Variants in SLC23A1 observed in about 807,000 individuals in gnomAD.
The protein encoded by SLC23A1 is Na(+)/L-ascorbic acid transporter 1.
SLC23A1 carries 31 observed loss-of-function variants against 62.5 expected under a neutral mutation model. The observed-to-expected ratio is 0.50, with a 90% confidence interval of 0.37 to 0.67. The LOEUF (loss-of-function observed/expected upper bound fraction) is 0.67, where lower values mean the gene tolerates loss of function less well. SLC23A1 is among the 30% of genes least tolerant of loss of function. The pLI is 0.00. For missense variants in SLC23A1, 640 were observed against 782.7 expected (o/e 0.82, Z 2.18); for synonymous variants, 271 against 313.2 (o/e 0.87, Z 1.42).
At chr5:139,370,325 C>T (rs533544534) in intron 14 of SLC23A1, among the ~76,000 whole-genome samples, 1 of 152,208 alleles carries the variant, frequency 6.6e-6, no homozygotes, top group African/African-American at 2.4e-5. Context: ...TGTGTGCCAC[C>T]ACACCTGGCT....
chr5:139,368,872 T>G (rs1393717022), intron 14 of SLC23A1: 1 of 1,112,650 alleles, frequency 9.0e-7, no homozygotes, highest in East Asian at 2.4e-5. Flanking sequence ...GACTTAATTG[T>G]AAAAGCTCTC....
Position 139,378,421 on chromosome 5 carries a change from G to T in SLC23A1, c.1180-70C>A. 1 of 1,520,476 alleles carries T rather than the reference G, an allele frequency of 6.6e-7. No individual in the cohort carries two copies. Among genetic ancestry groups the T allele is most frequent in the Non-Finnish European group, 8.9e-7 (1 of 1,125,838 alleles). 94.2% of individuals were successfully genotyped at this position (1,520,476 alleles called of 1,614,324 possible). A position where few individuals can be genotyped will look rare whatever the true frequency, so the allele number is the denominator to read the frequency against. ...GGGCGGGGTTAGTTCCAGGGGCGGG[G>T]CCTGTTATAAGAGCGAGGCATAAAC... On this transcript the variant is annotated intron_variant, in intron 10 of 14. Transcript: ENST00000348729. This position sits in a 1 kb window ranked among gnomAD's most constrained non-coding sequence, Gnocchi z 4.5.
At chr5:139,368,882 C>T (rs1171344867) in intron 14 of SLC23A1, 9 of 1,036,744 alleles carry the variant, frequency 8.7e-6, no homozygotes, top group African/African-American at 3.2e-5. Context: ...TAAAAGCTCT[C>T]TTGTCACTGT....
At chr5:139,368,650 G>A (rs1757453077) in intron 14 of SLC23A1, 10 of 885,720 alleles carry the variant, frequency 1.1e-5, no homozygotes, top group Admixed American at 2.2e-5. Context: ...TTTTTTGGAA[G>A]ATGTTTTTGC....
chr5:139,372,165 G>C lies in SLC23A1; in HGVS notation c.1638C>G (p.Phe546Leu). 1 of 1,613,200 alleles carries C rather than the reference G, an allele frequency of 6.2e-7. No individual in the cohort carries two copies. Among genetic ancestry groups the C allele is most frequent in the Non-Finnish European group, 8.5e-7 (1 of 1,179,126 alleles). ...DMSSSLKSYD[F>L]PIGMGIVKRI... ...TTTTTACTATGCCCATCCCAATGGG[G>C]AAATCGTAGCTCTTGAGGCTGGAAG... The change falls in exon 14 of 15, where the codon TTC becomes TTG. Residue 546 changes from phenylalanine to leucine, a missense_variant. Physicochemically the swap from Phe to Leu is conservative, Grantham distance 22. Transcript: ENST00000348729.
At chr5:139,380,763 C>T in intron 4 of SLC23A1, 35 bp downstream of exon 4, 1 of 1,503,684 alleles carries the variant, frequency 6.7e-7, no homozygotes, top group Non-Finnish European at 9.2e-7. Context: ...TGGGCCTCCC[C>T]TTTTCCCCAG....
chr5:139,380,569 C>T lies in SLC23A1; in HGVS notation c.461G>A (p.Arg154Gln), dbSNP rs758588024. Residue 154 changes from arginine to glutamine, a missense_variant, in exon 5 of 15, where the codon CGG becomes CAG. By Grantham distance (43) the Arg-to-Gln change is conservative (BLOSUM62 1). Coordinates refer to ENST00000348729, the MANE Select transcript of SLC23A1 (RefSeq NM_005847.5). ...NTSHIWHPRI[R>Q]EVQGAIMVSS... ...TATGCTTACATGCAAACCCACCTCC[C>T]GTATCCGTGGGTGCCAAATATGAGA... is the stretch of plus-strand genomic sequence containing the variant. 28 of 1,613,854 alleles carry T rather than the reference C, an allele frequency of 1.7e-5. No homozygotes were observed. The highest frequency in any genetic ancestry group is 1.6e-4 in the South Asian group (15 of 91,080).
At chr5:139,373,350 G>A (rs555267442) in intron 13 of SLC23A1, among the ~76,000 whole-genome samples, 7 of 152,124 alleles carry the variant, frequency 4.6e-5, no homozygotes, top group South Asian at 4.2e-4. Flanking sequence ...GCTAATTACT[G>A]TAATTTTAAT....
At chr5:139,377,026 G>T (rs1757980135) in intron 13 of SLC23A1, among the ~76,000 whole-genome samples, 1 of 152,004 alleles carries the variant, frequency 6.6e-6, no homozygotes, top group South Asian at 2.1e-4. Context: ...GGAGACAGGA[G>T]AATCACTTGA....
Position 139,379,139 on chromosome 5 carries a change from C to G in SLC23A1, c.1073+68G>C. The stretch of plus-strand genomic sequence containing the variant: ...TAAGCCTACCCCCTGGGCCTCCACC[C>G]CGTTCCTGTGTGTGCTTCCTGGGTG... On this transcript the variant is annotated intron_variant, in intron 9 of 14. Transcript: ENST00000348729. The surrounding 1 kb of genome is among the most constrained non-coding windows in gnomAD (Gnocchi z 4.7). The G allele has an allele frequency of 6.4e-7, 1 of 1,554,970 alleles. No homozygotes were observed. Among genetic ancestry groups the G allele is most frequent in the Non-Finnish European group, 8.8e-7 (1 of 1,131,888 alleles).
rs1192940018 is a variant in SLC23A1, at chr5:139,383,200, A to AC, written c.36+17dup. On this transcript the variant is annotated intron_variant, in intron 1 of 14. Coordinates refer to ENST00000348729, the MANE Select transcript of SLC23A1 (RefSeq NM_005847.5). The stretch of plus-strand genomic sequence containing the variant: ...ACCCCCCCTGCCCCCCCTAGCCCCC[A>AC]CCCCCAGCCCCCAGCACCTGTGTCC... 3.7e-5 allele frequency: 7 copies of AC among 188,594 alleles called. No homozygotes were observed. Among genetic ancestry groups the AC allele is most frequent in the African/African-American group, 2.1e-4 (2 of 9,404 alleles). The allele number at this position is 188,594 out of a possible 1,614,324, so 11.7% of individuals were successfully genotyped here.
chr5:139,384,615 T>A, upstream of SLC23A1: 1 of 1,252,606 alleles, frequency 8.0e-7, no homozygotes, highest in Non-Finnish European at 1.0e-6. Flanking sequence ...CTCCCCAGGG[T>A]GCTGTGGAGA....
chr5:139,380,927 G>C lies in SLC23A1; in HGVS notation c.309-41C>G, dbSNP rs1278978470. 2 of 707,784 alleles carry C rather than the reference G, an allele frequency of 2.8e-6. 1 individual carries two copies. The highest frequency in any genetic ancestry group is 5.3e-5 in the East Asian group (2 of 37,610). 43.8% of individuals were successfully genotyped at this position (707,784 alleles called of 1,614,324 possible). On this transcript the variant is annotated intron_variant, in intron 3 of 14. Coordinates refer to ENST00000348729, the MANE Select transcript of SLC23A1 (RefSeq NM_005847.5). Reference sequence around the variant, plus strand: ...AAAGCAACAGGGGTGGGGAGGGGCGGGTGGGGAGGAGGGATAAAGATGCGG... The same window carrying C: ...AAAGCAACAGGGGTGGGGAGGGGCGCGTGGGGAGGAGGGATAAAGATGCGG...
intron 1 of SLC23A1, 41 bp from the exon 2 acceptor site, chr5:139,382,646 G>C: frequency 8.0e-7 from 1 of 1,250,846 alleles, no homozygotes; most frequent in Non-Finnish European, 1.2e-6. Flanking sequence ...TGAAGTGATG[G>C]GGACAGGCAA....
chr5:139,380,507 A>T (rs781663357), intron 5 of SLC23A1, 58 bp downstream of exon 5: 8 of 1,591,882 alleles, frequency 5.0e-6, no homozygotes, highest in Middle Eastern at 3.3e-4. Context: ...GGCCACCCTC[A>T]CTCCCATATA....
At chr5:139,374,462 A>AC (rs1179012395) in intron 13 of SLC23A1, among the ~76,000 whole-genome samples, 2 of 152,196 alleles carry the variant, frequency 1.3e-5, no homozygotes, top group African/African-American at 4.8e-5. Flanking sequence ...AAACAAACAA[A>AC]AAAAACAAAT....
chr5:139,382,650 C>T (rs762793709), intron 1 of SLC23A1, 45 bp from the exon 2 acceptor site: 1 of 1,181,558 alleles, frequency 8.5e-7, no homozygotes. Context: ...GTGATGGGGA[C>T]AGGCAAAATC....
intron 5 of SLC23A1, 40 bp from the exon 6 acceptor site, chr5:139,380,429 G>GTCA: frequency 6.2e-7 from 1 of 1,611,100 alleles, no homozygotes; most frequent in South Asian, 1.1e-5. Flanking sequence ...CCATGTAAAG[G>GTCA]TCATGACCTG....
chr5:139,371,374 T>C lies in SLC23A1; in HGVS notation c.*19+613A>G, dbSNP rs565498121. Among the ~76,000 whole-genome samples, 316 of 152,310 alleles carry C rather than the reference T, an allele frequency of 2.1e-3. 1 individual carries two copies. Among genetic ancestry groups the C allele is most frequent in the African/African-American group, 7.0e-3 (292 of 41,566 alleles). On this transcript the variant is annotated intron_variant, in intron 14 of 14. Coordinates refer to ENST00000348729, the MANE Select transcript of SLC23A1 (RefSeq NM_005847.5). ...ACATTGAACCCACTTCAGTGTTTAG[T>C]AGAGAGCCAGGCATCTGCATTACAG...
Sources: allele counts gnomAD v4.1 joint callset (sites outside exome capture counted in the v4.1 genomes callset), GRCh38; gene constraint gnomAD v4.1.1; non-coding constraint Gnocchi (gnomAD v3.1); transcripts MANE v1.5; gene names NCBI Gene and HGNC (gene_info 2026-07-23, HGNC 2026-07-21).